Variants in PRKRIP1 observed in about 807,000 individuals in gnomAD.
PRKRIP1 encodes PRKR-interacting protein 1.
PRKRIP1 carries 29 observed loss-of-function variants against 29.3 expected under a neutral mutation model. The ratio of observed to expected loss-of-function variants is 0.99; its 90% CI spans 0.74 to 1.35. The LOEUF (loss-of-function observed/expected upper bound fraction) is 1.35, where lower values mean the gene tolerates loss of function less well. Ranked by LOEUF, PRKRIP1 falls within the 40% of genes most tolerant of loss-of-function variation. The pLI is 0.00. For synonymous variants in PRKRIP1, 90 were observed against 85.1 expected (o/e 1.06, Z -0.32); for missense variants, 247 against 236.8 (o/e 1.04, Z -0.28).
Position 102,425,155 on chromosome 7 carries a change from G to A in PRKRIP1, c.*44G>A. 1.9e-6 allele frequency: 3 copies of A among 1,584,440 alleles called. No individual in the cohort carries two copies. Among genetic ancestry groups the A allele is most frequent in the Non-Finnish European group, 2.6e-6 (3 of 1,169,514 alleles). On this transcript the variant is annotated 3_prime_UTR_variant, in exon 6 of 6. Transcript: ENST00000397912. Reference sequence around the variant, plus strand: ...CTGCCTGGAACCTGGCTCGTGCTGTGACCAGAAGGGAAAGGCGGCTGTTTG... The same window carrying A: ...CTGCCTGGAACCTGGCTCGTGCTGTAACCAGAAGGGAAAGGCGGCTGTTTG...
chr7:102,417,272 A>G (rs1315939579), intron 5 of PRKRIP1, among the ~76,000 whole-genome samples: 1 of 151,762 alleles, frequency 6.6e-6, no homozygotes, highest in Non-Finnish European at 1.5e-5. Flanking sequence ...TCTCCCCCAT[A>G]TGTTTACTCT....
chr7:102,412,662 A>C (rs1554572653), intron 5 of PRKRIP1, among the ~76,000 whole-genome samples: 1 of 152,172 alleles, frequency 6.6e-6, no homozygotes, highest in African/African-American at 2.4e-5. Context: ...AAGAAATGGG[A>C]GTAATGTGGT....
chr7:102,402,307 A>G (rs1796094617), intron 3 of PRKRIP1, among the ~76,000 whole-genome samples: 1 of 151,328 alleles, frequency 6.6e-6, no homozygotes, highest in Admixed American at 6.6e-5. Context: ...ATGTGGTGGT[A>G]GCCACCTGTA....
At chr7:102,414,266 T>C (rs1796473340) in intron 5 of PRKRIP1, among the ~76,000 whole-genome samples, 2 of 152,100 alleles carry the variant, frequency 1.3e-5, no homozygotes, top group Admixed American at 6.6e-5. Context: ...AAGGAAATTA[T>C]GGAGAAAGCT....
rs782766480 is a variant in PRKRIP1 at position 102,425,038 on chromosome 7, G to A, written c.482G>A (p.Gly161Glu). The change falls in exon 6 of 6, where the codon GGG (glycine) becomes GAG (glutamate). Residue 161 changes from glycine (G) to glutamate (E), a missense_variant. Transcript: ENST00000397912. ...QEGPGQPKEQ[G>E]SSSSAEASGT... ...GGACCCGGTCAGCCCAAGGAGCAGG[G>A]GTCCAGCAGCTCTGCGGAGGCATCT... 1.2e-6 allele frequency: 2 copies of A among 1,613,744 alleles called. No homozygotes were observed. The highest frequency in any genetic ancestry group is 2.2e-5 in the South Asian group (2 of 91,054).
chr7:102,422,880 A>T (rs34467114), intron 5 of PRKRIP1: 3,063 of 279,274 alleles, frequency 0.011, 22 homozygotes, highest in Non-Finnish European at 0.015. Flanking sequence ...CATCCCCAAG[A>T]TATCTCATTG....
chr7:102,415,111 C>A (rs896699423), intron 5 of PRKRIP1, among the ~76,000 whole-genome samples: 3 of 152,134 alleles, frequency 2.0e-5, no homozygotes, highest in Admixed American at 6.5e-5. Flanking sequence ...CACATGAGAG[C>A]CACTCAAGGT....
intron 5 of PRKRIP1, among the ~76,000 whole-genome samples, chr7:102,415,243 GCT>G (rs1796502684): frequency 6.6e-6 from 1 of 152,120 alleles, no homozygotes; most frequent in Non-Finnish European, 1.5e-5. Context: ...AGCCTCCAAA[GCT>G]CTGTTTTTTG....
chr7:102,405,770 A>G (rs181862774), intron 4 of PRKRIP1: 2 of 179,986 alleles, frequency 1.1e-5, no homozygotes, highest in African/African-American at 4.8e-5. Context: ...GCAGTTTTGG[A>G]CCGTGAATTT....
At chr7:102,399,682 G>A (rs368841499) in intron 3 of PRKRIP1, 34 bp downstream of exon 3, 1 of 1,517,490 alleles carries the variant, frequency 6.6e-7, no homozygotes, top group Non-Finnish European at 9.2e-7. Flanking sequence ...GAGCCCCCAT[G>A]TTTGGGCAGT....
Position 102,397,668 on chromosome 7 carries a change from C to T in PRKRIP1, c.175C>T (p.Pro59Ser), listed in dbSNP as rs967953108. The T allele has an allele frequency of 1.9e-6, 3 of 1,613,718 alleles. No homozygotes were observed. The highest frequency in any genetic ancestry group is 2.5e-6 in the Non-Finnish European group (3 of 1,179,836). ...PEKMSEWAPR[P>S]PPEFVRDVMG... Reference sequence around the variant, plus strand: ...GAAAATGAGTGAATGGGCACCTCGACCTCCCCCAGAATTTGTCCGAGATGT... The same window carrying T: ...GAAAATGAGTGAATGGGCACCTCGATCTCCCCCAGAATTTGTCCGAGATGT... The change falls in exon 2 of 6, where the codon CCT (proline) becomes TCT (serine). Residue 59 changes from proline (P) to serine (S), a missense_variant. Pro to Ser is a moderately conservative substitution (Grantham distance 74). Transcript: ENST00000397912.
chr7:102,420,565 G>C (rs1796667854), intron 5 of PRKRIP1, among the ~76,000 whole-genome samples: 1 of 152,112 alleles, frequency 6.6e-6, no homozygotes, highest in Non-Finnish European at 1.5e-5. Context: ...AATGAACTGG[G>C]GTAATTTTGT....
At chr7:102,418,958 A>G (rs1337728533) in intron 5 of PRKRIP1, among the ~76,000 whole-genome samples, 1 of 151,940 alleles carries the variant, frequency 6.6e-6, no homozygotes, top group East Asian at 1.9e-4. Flanking sequence ...AACCTCCCAA[A>G]GTGCTGGGAT....
intron 3 of PRKRIP1, among the ~76,000 whole-genome samples, chr7:102,402,651 C>G (rs1397321726): frequency 5.3e-5 from 8 of 152,042 alleles, no homozygotes; most frequent in Admixed American, 5.2e-4. Flanking sequence ...GGCCTCTATG[C>G]AAATGCAAAG....
At chr7:102,399,237 C>T (rs1184680592) in intron 2 of PRKRIP1, among the ~76,000 whole-genome samples, 1 of 152,186 alleles carries the variant, frequency 6.6e-6, no homozygotes. Context: ...CTTTTCAACT[C>T]ACTAGAAATT....
At chr7:102,400,876 T>TCC (rs2133166416) in intron 3 of PRKRIP1, among the ~76,000 whole-genome samples, 1 of 152,218 alleles carries the variant, frequency 6.6e-6, no homozygotes, top group African/African-American at 2.4e-5. Flanking sequence ...CCTCAAGTGA[T>TCC]CCACCTGCCT....
At chr7:102,404,171 A>C (rs925070258) in intron 3 of PRKRIP1, among the ~76,000 whole-genome samples, 1 of 152,136 alleles carries the variant, frequency 6.6e-6, no homozygotes. Context: ...TCAAAACAAA[A>C]ACAAAAAAAC....
chr7:102,418,898 A>G (rs1259031034), intron 5 of PRKRIP1, among the ~76,000 whole-genome samples: 1 of 151,864 alleles, frequency 6.6e-6, no homozygotes, highest in Non-Finnish European at 1.5e-5. Flanking sequence ...GTTACATTTT[A>G]TCGCCCAAGC....
At chr7:102,404,787 G>GTTCC in intron 4 of PRKRIP1, 104 bp downstream of exon 4, 1 of 777,308 alleles carries the variant, frequency 1.3e-6, no homozygotes, top group Non-Finnish European at 2.1e-6. Flanking sequence ...ACCTGTAGGG[G>GTTCC]TCATGAATGT....
Sources: allele counts gnomAD v4.1 joint callset (sites outside exome capture counted in the v4.1 genomes callset), GRCh38; gene constraint gnomAD v4.1.1; transcripts MANE v1.5; gene names NCBI Gene and HGNC (gene_info 2026-07-23, HGNC 2026-07-21).